Variants in MARF1 observed in about 807,000 individuals in gnomAD.
MARF1 encodes limkain-b1.
Under a neutral mutation model 168.2 loss-of-function variants are expected in MARF1, and 24 were observed. That is an observed-to-expected ratio of 0.14 (90% confidence interval 0.10 to 0.20). The LOEUF (loss-of-function observed/expected upper bound fraction) is 0.20, where lower values mean the gene tolerates loss of function less well. Among genes scored for constraint, MARF1 ranks in the 10% least tolerant of loss-of-function variants. The probability of loss-of-function intolerance (pLI) is 1.00; values close to 1 mark genes in which losing one functional copy is unlikely to be tolerated. For synonymous variants in MARF1, 868 were observed against 822.4 expected (o/e 1.06, Z -0.95); for missense variants, 1,744 against 2,143.6 (o/e 0.81, Z 3.68).
intron 1 of MARF1, chr16:15,642,591 G>C (rs1031543870): frequency 2.0e-5 from 3 of 151,986 alleles, no homozygotes; most frequent in Non-Finnish European, 2.9e-5. Flanking sequence ...TGAAGCCCTA[G>C]ACATTGTCAA....
rs2031727369 is a variant in MARF1, at chr16:15,596,740, CTCT to C, written c.5179_5181del (p.Arg1727del). The stretch of plus-strand genomic sequence containing the variant: ...AAGGAAAAGTTGGCTGCCAATTTGA[CTCT>C]ATTTTTGGGTTGCTTTTTGGCCGGG... On this transcript the variant is annotated inframe_deletion, in exon 27 of 27. Coordinates refer to ENST00000396368, the MANE Select transcript of MARF1 (RefSeq NM_014647.4). 6.2e-7 allele frequency: 1 copy of C among 1,608,068 alleles called. No homozygotes were observed. The highest frequency in any genetic ancestry group is 8.5e-7 in the Non-Finnish European group (1 of 1,175,226).
chr16:15,620,940 A>C (rs1167224884), intron 12 of MARF1, among the ~76,000 whole-genome samples: 1 of 152,230 alleles, frequency 6.6e-6, no homozygotes, highest in Non-Finnish European at 1.5e-5. Flanking sequence ...AAAAACGCTC[A>C]AAGGGAAAAA....
intron 22 of MARF1, chr16:15,602,547 C>G (rs143844123): frequency 2.2e-6 from 1 of 451,846 alleles, no homozygotes; most frequent in Admixed American, 2.7e-5. Context: ...AAGACGAAGA[C>G]GACGAATTGG....
At chr16:15,630,226 C>A (rs2035157891) in intron 7 of MARF1, 106 bp downstream of exon 7, 2 of 986,658 alleles carry the variant, frequency 2.0e-6, no homozygotes, top group Non-Finnish European at 2.9e-6. Context: ...CCACCTCTTA[C>A]AAAGAACAGC....
intron 21 of MARF1, among the ~76,000 whole-genome samples, chr16:15,607,004 C>T: frequency 6.6e-6 from 1 of 152,126 alleles, no homozygotes; most frequent in Non-Finnish European, 1.5e-5. Flanking sequence ...CCAACACTGC[C>T]ACTGACCTGG....
Position 15,608,356 on chromosome 16 carries a change from G to A in MARF1, c.4117C>T (p.Arg1373Cys), listed in dbSNP as rs887613818. 8 of 1,613,304 alleles carry A rather than the reference G, an allele frequency of 5.0e-6. No individual in the cohort carries two copies. Among genetic ancestry groups the A allele is most frequent in the Non-Finnish European group, 5.9e-6 (7 of 1,179,750 alleles). Residue 1373 changes from arginine to cysteine, a missense_variant, in exon 21 of 27, where the codon CGT becomes TGT. Around this residue, in one of 7 missense-constraint regions of MARF1, gnomAD observed 543 missense variants for 742.1 expected, o/e 0.73. Coordinates refer to ENST00000396368, the MANE Select transcript of MARF1 (RefSeq NM_014647.4). ...EYAKTFGYTF[R>C]LQDYDVSSIS... ...GAACTGACATCATAGTCTTGGAGAC[G>A]AAATGTATAACCAAAAGTTTTAGCA...
At chr16:15,599,193 C>T in intron 25 of MARF1, 169 bp from the exon 26 acceptor site, 1 of 657,754 alleles carries the variant, frequency 1.5e-6, no homozygotes, top group Non-Finnish European at 2.6e-6. Flanking sequence ...CCAAAACCCA[C>T]TAACAGGAAG....
chr16:15,608,398 C>G lies in MARF1; in HGVS notation c.4075G>C (p.Asp1359His). The change falls in exon 21 of 27, where the codon GAT (aspartate) becomes CAT (histidine). Residue 1359 changes from aspartate (D) to histidine (H), a missense_variant. Around this residue, in one of 7 missense-constraint regions of MARF1, gnomAD observed 543 missense variants for 742.1 expected, o/e 0.73. Transcript: ENST00000396368. The part of the protein sequence containing the change: ...SQKDNCLMMT[D>H]LLTEYAKTFG... ...GTTTTAGCATATTCTGTAAGGAGAT[C>G]TGTCATCATAAGGCAGTTATCTTTT... 6.2e-7 allele frequency: 1 copy of G among 1,613,748 alleles called. No homozygotes were observed.
At chr16:15,601,857 CA>C in intron 23 of MARF1, 133 bp downstream of exon 23, 1 of 752,436 alleles carries the variant, frequency 1.3e-6, no homozygotes, top group Non-Finnish European at 2.3e-6. Context: ...TTTAGACCAA[CA>C]GTATGTTTTG....
Position 15,594,579 on chromosome 16 carries a change from C to T in MARF1, c.*2114G>A, listed in dbSNP as rs1037363351. On this transcript the variant is annotated 3_prime_UTR_variant, in exon 27 of 27. Coordinates refer to ENST00000396368, the MANE Select transcript of MARF1 (RefSeq NM_014647.4). ...TGATAACTTTTGTCATTTTTTTAAA[C>T]AGATAAATTTAATCCGGTATATCTT... 1.3e-5 allele frequency: 2 copies of T among 152,488 alleles called. No homozygotes were observed. The highest frequency in any genetic ancestry group is 2.4e-5 in the African/African-American group (1 of 41,400). 9.4% of individuals were successfully genotyped at this position (152,488 alleles called of 1,614,324 possible). A position where few individuals can be genotyped will look rare whatever the true frequency, so the allele number is the denominator to read the frequency against.
At chr16:15,631,259 A>C in intron 6 of MARF1, 122 bp downstream of exon 6, 1 of 641,430 alleles carries the variant, frequency 1.6e-6, no homozygotes, top group Non-Finnish European at 2.8e-6. Flanking sequence ...CAATAACCAT[A>C]AACATGTCTC....
At chr16:15,625,253 T>A in intron 8 of MARF1, 80 bp from the exon 9 acceptor site, 1 of 1,566,188 alleles carries the variant, frequency 6.4e-7, no homozygotes, top group Non-Finnish European at 8.7e-7. Context: ...ACGATTGACT[T>A]TGAGTATCAT....
intron 11 of MARF1, 29 bp downstream of exon 11, chr16:15,622,905 C>T: frequency 6.5e-7 from 1 of 1,548,052 alleles, no homozygotes; most frequent in Middle Eastern, 2.4e-4. Context: ...GAGAGTATAA[C>T]AAAGCAAGCA....
rs1401145439 is a variant in MARF1 at position 15,594,715 on chromosome 16, T to A, written c.*1978A>T. 6.6e-6 allele frequency: 1 copy of A among 152,654 alleles called. No homozygotes were observed. Among genetic ancestry groups the A allele is most frequent in the Non-Finnish European group, 1.5e-5 (1 of 68,050 alleles). The allele number at this position is 152,654 out of a possible 1,614,324, so 9.5% of individuals were successfully genotyped here. A position where few individuals can be genotyped will look rare whatever the true frequency, so the allele number is the denominator to read the frequency against. ...TAGATAGCAATTGGACTGGCCATTG[T>A]GGAGTACATTATGAACACAATGTGC... is the stretch of plus-strand genomic sequence containing the variant. On this transcript the variant is annotated 3_prime_UTR_variant, in exon 27 of 27. Coordinates refer to ENST00000396368, the MANE Select transcript of MARF1 (RefSeq NM_014647.4).
chr16:15,613,490 A>G (rs968209187), intron 16 of MARF1, among the ~76,000 whole-genome samples: 1 of 151,812 alleles, frequency 6.6e-6, no homozygotes, highest in African/African-American at 2.4e-5. Context: ...TCTACTAAAA[A>G]TACAAAAATA....
At chr16:15,631,287 T>C in intron 6 of MARF1, 94 bp downstream of exon 6, 1 of 843,368 alleles carries the variant, frequency 1.2e-6, no homozygotes, top group Non-Finnish European at 2.0e-6. Flanking sequence ...TCAGCCTCTT[T>C]GGGGATACAT....
intron 21 of MARF1, among the ~76,000 whole-genome samples, chr16:15,607,560 C>T (rs920595854): frequency 5.3e-5 from 8 of 152,160 alleles, no homozygotes; most frequent in African/African-American, 1.7e-4. Flanking sequence ...AAAAAAACCC[C>T]ACAGTGGGAA....
At position 15,609,652 on chromosome 16, in the gene MARF1, G is replaced by C. The variant is rs758945412; in HGVS notation, c.3825C>G (p.Pro1275=). The change falls in exon 20 of 27, where the codon CCC becomes CCG. Residue 1275 remains proline, a synonymous_variant. Transcript: ENST00000396368. ...ATTTATTAAAGGGCATCCGGAAATG[G>C]GGTTGGTGACGCAGCAAATCAACGA... The part of the protein sequence containing the change: ...KDVVDLLRHQ[P]HFRMPFNKFI... The C allele has an allele frequency of 6.2e-7, 1 of 1,614,122 alleles. No individual in the cohort carries two copies. Among genetic ancestry groups the C allele is most frequent in the Non-Finnish European group, 8.5e-7 (1 of 1,180,010 alleles).
intron 20 of MARF1, 170 bp from the exon 21 acceptor site, chr16:15,608,688 ATG>A: frequency 1.6e-6 from 1 of 607,650 alleles, no homozygotes. Flanking sequence ...TTGCATAACA[ATG>A]TGAATGTGCT....
Sources: allele counts gnomAD v4.1 joint callset (sites outside exome capture counted in the v4.1 genomes callset), GRCh38; gene constraint gnomAD v4.1.1; regional missense constraint gnomAD v4.1.1; transcripts MANE v1.5; gene names NCBI Gene and HGNC (gene_info 2026-07-23, HGNC 2026-07-21).